Variants in CPQ observed in about 807,000 individuals in gnomAD.
The protein encoded by CPQ is carboxypeptidase Q, also known as Ser-Met dipeptidase.
A neutral mutation model predicts 45.7 loss-of-function variants in CPQ; 37 were observed. The ratio of observed to expected loss-of-function variants is 0.81; its 90% CI spans 0.62 to 1.07. The LOEUF (loss-of-function observed/expected upper bound fraction) is 1.07, where lower values mean the gene tolerates loss of function less well. CPQ is among the 50% of genes least tolerant of loss of function. The pLI, the probability that CPQ is intolerant of heterozygous loss-of-function variation, is 0.00. For synonymous variants in CPQ, 186 were observed against 205.8 expected (o/e 0.90, Z 0.82); for missense variants, 537 against 572.9 (o/e 0.94, Z 0.64).
chr8:96,888,211 T>C (rs571577704), intron 4 of CPQ, among the ~76,000 whole-genome samples: 1 of 152,210 alleles, frequency 6.6e-6, no homozygotes, highest in Non-Finnish European at 1.5e-5. Flanking sequence ...CAAATGTCCC[T>C]TGGGGGACAA....
At chr8:97,095,515 G>C (rs1020163920) in intron 7 of CPQ, among the ~76,000 whole-genome samples, 1 of 152,040 alleles carries the variant, frequency 6.6e-6, no homozygotes, top group Admixed American at 6.6e-5. Flanking sequence ...CCAAAATGTG[G>C]CTTCCCATTC....
intron 5 of CPQ, among the ~76,000 whole-genome samples, chr8:96,996,746 A>T (rs1454861673): frequency 6.6e-6 from 1 of 151,920 alleles, no homozygotes; most frequent in Non-Finnish European, 1.5e-5. Context: ...TTTTTTTCAT[A>T]TCTGTTTTCA....
intron 6 of CPQ, among the ~76,000 whole-genome samples, chr8:97,052,479 C>T (rs1297485569): frequency 2.0e-5 from 3 of 152,062 alleles, no homozygotes; most frequent in Non-Finnish European, 1.5e-5. Context: ...GCATTATAAG[C>T]CTCATGATGT....
At chr8:96,885,554 T>C (rs1471015731) in intron 4 of CPQ, among the ~76,000 whole-genome samples, 1 of 152,162 alleles carries the variant, frequency 6.6e-6, no homozygotes, top group African/African-American at 2.4e-5. Flanking sequence ...AAATAATCCT[T>C]CCATTTTGGC....
chr8:96,749,850 T>G (rs888720445), intron 1 of CPQ, among the ~76,000 whole-genome samples: 2 of 152,182 alleles, frequency 1.3e-5, no homozygotes, highest in African/African-American at 4.8e-5. Context: ...CCACCAATTC[T>G]ACTTCTAAGA....
intron 3 of CPQ, among the ~76,000 whole-genome samples, chr8:96,854,544 A>AAAAAAAAAAAAAAAAAAAAG (rs1811817581): frequency 8.8e-6 from 1 of 113,788 alleles, no homozygotes. Context: ...AAAAAAAAAA[A>AAAAAAAAAAAAAAAAAAAAG]AAAAAAAAAA....
At chr8:96,686,373 T>C (rs1159905327) in intron 1 of CPQ, among the ~76,000 whole-genome samples, 1 of 152,038 alleles carries the variant, frequency 6.6e-6, no homozygotes, top group African/African-American at 2.4e-5. Context: ...AAACCCTTTT[T>C]TCTTGGTATA....
intron 4 of CPQ, among the ~76,000 whole-genome samples, chr8:96,905,088 G>A (rs1233567361): frequency 1.3e-5 from 2 of 152,072 alleles, no homozygotes; most frequent in Non-Finnish European, 2.9e-5. Flanking sequence ...TGCATGGCTA[G>A]GGAGGCCTCA....
intron 7 of CPQ, among the ~76,000 whole-genome samples, chr8:97,121,621 C>A (rs928408437): frequency 6.6e-6 from 1 of 152,040 alleles, no homozygotes; most frequent in Admixed American, 6.6e-5. Context: ...ATCATTCAAT[C>A]AAAAATTACT....
At chr8:96,665,010 T>C (rs182674258) in intron 1 of CPQ, among the ~76,000 whole-genome samples, 5 of 152,316 alleles carry the variant, frequency 3.3e-5, no homozygotes, top group Admixed American at 2.6e-4. Context: ...TGATATGCTC[T>C]GGATAATTTA....
intron 2 of CPQ, among the ~76,000 whole-genome samples, chr8:96,826,648 A>G (rs1335049433): frequency 6.6e-6 from 1 of 151,898 alleles, no homozygotes; most frequent in African/African-American, 2.4e-5. Context: ...GTTCTGGGGT[A>G]CATATGCAGG....
chr8:97,136,198 G>A (rs900107542), intron 7 of CPQ, among the ~76,000 whole-genome samples: 15 of 152,128 alleles, frequency 9.9e-5, no homozygotes, highest in African/African-American at 3.6e-4. Flanking sequence ...AAGATTCATA[G>A]AGAAGGAGCA....
At chr8:96,740,974 T>A (rs543637129) in intron 1 of CPQ, among the ~76,000 whole-genome samples, 6 of 152,354 alleles carry the variant, frequency 3.9e-5, no homozygotes, top group Non-Finnish European at 7.3e-5. Flanking sequence ...GATGTCAGGA[T>A]GATGCTGGCC....
intron 1 of CPQ, among the ~76,000 whole-genome samples, chr8:96,765,473 G>T (rs1810455219): frequency 6.6e-6 from 1 of 151,788 alleles, no homozygotes. Flanking sequence ...GCTTACTAGT[G>T]CTTCTTCTTA....
At chr8:96,979,632 T>C (rs909021349) in intron 5 of CPQ, among the ~76,000 whole-genome samples, 1 of 152,204 alleles carries the variant, frequency 6.6e-6, no homozygotes, top group Admixed American at 6.5e-5. Flanking sequence ...TAAGAAAATA[T>C]GCTATGAACA....
At chr8:96,910,807 G>A (rs991968633) in intron 4 of CPQ, among the ~76,000 whole-genome samples, 7 of 152,088 alleles carry the variant, frequency 4.6e-5, no homozygotes, top group Non-Finnish European at 1.0e-4. Flanking sequence ...CCCGGCTGAA[G>A]TAGTGTTATA....
chr8:97,123,204 T>A (rs79139419), intron 7 of CPQ, among the ~76,000 whole-genome samples: 1,883 of 42,118 alleles, frequency 0.045, 76 homozygotes, highest in African/African-American at 0.058. Context: ...TAAAATAAAA[T>A]AAAAAATAAA....
intron 2 of CPQ, among the ~76,000 whole-genome samples, chr8:96,819,172 T>C (rs1185009963): frequency 6.6e-6 from 1 of 151,776 alleles, no homozygotes. Flanking sequence ...AAACACATCT[T>C]AAAAACCCAA....
chr8:97,023,033 A>ATATAG (rs1809732583), intron 5 of CPQ, among the ~76,000 whole-genome samples: 1 of 145,724 alleles, frequency 6.9e-6, no homozygotes, highest in Non-Finnish European at 1.5e-5. Context: ...TATATACAGT[A>ATATAG]TATATACAGT....
Sources: allele counts gnomAD v4.1 joint callset (sites outside exome capture counted in the v4.1 genomes callset), GRCh38; gene constraint gnomAD v4.1.1; transcripts MANE v1.5; gene names NCBI Gene and HGNC (gene_info 2026-07-23, HGNC 2026-07-21).